UPP2: variants seen among roughly 807,000 people sequenced by gnomAD.
UPP2 encodes the protein uridine phosphorylase 2, also known as UPase 2.
UPP2 carries 23 observed loss-of-function variants against 26.7 expected under a neutral mutation model. The observed-to-expected ratio is 0.86, with a 90% CI of 0.62 to 1.22. The LOEUF (loss-of-function observed/expected upper bound fraction) is 1.22, where lower values mean the gene tolerates loss of function less well. Among genes scored for constraint, UPP2 ranks in the 50% most tolerant of loss-of-function variants. UPP2 has a pLI of 0.00. For missense variants in UPP2, 387 were observed against 396.7 expected (o/e 0.98, Z 0.21); for synonymous variants, 127 against 141.3 (o/e 0.90, Z 0.72).
At chr2:158,036,696 T>C (rs1684006524) in intron 3 of UPP2, among the ~76,000 whole-genome samples, 1 of 152,216 alleles carries the variant, frequency 6.6e-6, no homozygotes, top group South Asian at 2.1e-4. Context: ...TAAATGTTTA[T>C]GGAAAGGCAG....
At chr2:158,092,123 A>G (rs13409467) in intron 3 of UPP2, among the ~76,000 whole-genome samples, 3,334 of 152,288 alleles carry the variant, frequency 0.022, 120 homozygotes, top group African/African-American at 0.073. Context: ...TTAATACATT[A>G]GGAGGACAAA....
chr2:158,068,010 G>A (rs1360724678), intron 3 of UPP2, among the ~76,000 whole-genome samples: 7 of 151,990 alleles, frequency 4.6e-5, no homozygotes, highest in South Asian at 2.1e-4. Context: ...ATTATTATTA[G>A]CAATTCTGTA....
intron 3 of UPP2, among the ~76,000 whole-genome samples, 189 bp from the exon 4 acceptor site, chr2:158,117,635 T>A (rs1302081859): frequency 1.3e-5 from 2 of 151,954 alleles, no homozygotes; most frequent in African/African-American, 4.8e-5. Flanking sequence ...TCTTCACAGA[T>A]GGACACATCT....
At chr2:158,043,145 C>T (rs933894477) in intron 3 of UPP2, among the ~76,000 whole-genome samples, 1 of 152,200 alleles carries the variant, frequency 6.6e-6, no homozygotes, top group Non-Finnish European at 1.5e-5. Flanking sequence ...TCTGCTCTCA[C>T]TGGGGCAGCT....
At chr2:158,044,075 T>C (rs1684117807) in intron 3 of UPP2, among the ~76,000 whole-genome samples, 2 of 152,178 alleles carry the variant, frequency 1.3e-5, no homozygotes, top group South Asian at 4.1e-4. Flanking sequence ...GAGATATAAT[T>C]AAGCTCTAAA....
intron 3 of UPP2, among the ~76,000 whole-genome samples, chr2:158,095,511 A>G (rs550417748): frequency 1.3e-5 from 2 of 152,272 alleles, no homozygotes; most frequent in East Asian, 1.9e-4. Flanking sequence ...GGACTCCACC[A>G]TGTACCAGAA....
At chr2:158,098,053 G>C (rs570835373), upstream of UPP2, among the ~76,000 whole-genome samples, 1 of 152,222 alleles carries the variant, frequency 6.6e-6, no homozygotes, top group South Asian at 2.1e-4. Flanking sequence ...TGTTTATACT[G>C]TCATTAACAC....
intron 5 of UPP2, 120 bp from the exon 6 acceptor site, chr2:158,123,629 G>A (rs1190818633): frequency 1.0e-5 from 12 of 1,187,720 alleles, no homozygotes; most frequent in Middle Eastern, 2.9e-4. Context: ...TATCCTACAC[G>A]GGGAGCACGC....
chr2:158,023,639 G>T (rs1168000804), intron 3 of UPP2, among the ~76,000 whole-genome samples: 1 of 152,070 alleles, frequency 6.6e-6, no homozygotes, highest in Non-Finnish European at 1.5e-5. Flanking sequence ...TGGAGCTTTG[G>T]GGTGGGGTGG....
chr2:158,083,863 T>TA (rs1553467781), intron 3 of UPP2, among the ~76,000 whole-genome samples: 12 of 130,938 alleles, frequency 9.2e-5, no homozygotes, highest in African/African-American at 3.3e-4. Context: ...TATATATATG[T>TA]TTTTTATATA....
At chr2:158,124,835 A>T (rs1454029088) in intron 6 of UPP2, among the ~76,000 whole-genome samples, 1 of 152,070 alleles carries the variant, frequency 6.6e-6, no homozygotes, top group East Asian at 1.9e-4. Flanking sequence ...GGACAGAGGA[A>T]ATTGGGGTGA....
intron 3 of UPP2, among the ~76,000 whole-genome samples, chr2:158,115,724 C>T (rs958503263): frequency 7.2e-5 from 11 of 152,190 alleles, no homozygotes; most frequent in African/African-American, 1.9e-4. Context: ...GCATTTAGAA[C>T]ATGTGAACAG....
chr2:158,127,462 G>GAA (rs147991501), intron 6 of UPP2, among the ~76,000 whole-genome samples: 129 of 145,542 alleles, frequency 8.9e-4, no homozygotes, highest in Non-Finnish European at 1.6e-3. Flanking sequence ...GTGAGTGAAT[G>GAA]AAAAAAAAAA....
At chr2:158,006,476 CAAA>C (rs3038697) in intron 2 of UPP2, among the ~76,000 whole-genome samples, 2,022 of 77,388 alleles carry the variant, frequency 0.026, 32 homozygotes, top group African/African-American at 0.1. Flanking sequence ...GACTCCGTCT[CAAA>C]AAAAAAAAAA....
At chr2:158,080,852 T>A (rs1377402630) in intron 3 of UPP2, among the ~76,000 whole-genome samples, 2 of 152,144 alleles carry the variant, frequency 1.3e-5, no homozygotes, top group Admixed American at 1.3e-4. Context: ...TCCCCTGACC[T>A]TCTCTCACCT....
Position 158,115,096 on chromosome 2 carries a change from A to G in UPP2, c.181-5A>G, listed in dbSNP as rs772544981. The G allele has an allele frequency of 1.4e-5, 22 of 1,592,410 alleles. No individual in the cohort carries two copies. In the South Asian group the frequency reaches 2.3e-4, roughly 16 times the overall value. On this transcript the variant is annotated splice_region_variant and splice_polypyrimidine_tract_variant and intron_variant, in intron 2 of 6. Transcript: ENST00000005756. ...TGGCAGGCCCTTGTTTATTTTTATT[A>G]ACAGTTTGTCTGTGTCGGTGGGAGC...
At chr2:158,092,051 A>G (rs967934567) in intron 3 of UPP2, among the ~76,000 whole-genome samples, 1 of 152,154 alleles carries the variant, frequency 6.6e-6, no homozygotes, top group African/African-American at 2.4e-5. Flanking sequence ...TGTGAAGAAG[A>G]AAGATCTGAG....
At chr2:158,120,895 C>T (rs1683551134) in intron 4 of UPP2, among the ~76,000 whole-genome samples, 1 of 151,878 alleles carries the variant, frequency 6.6e-6, no homozygotes, top group Admixed American at 6.6e-5. Flanking sequence ...AGCCCAAGTC[C>T]CTTGAGCAAC....
chr2:158,042,119 T>C (rs962214570), intron 3 of UPP2, among the ~76,000 whole-genome samples: 1 of 152,202 alleles, frequency 6.6e-6, no homozygotes, highest in Admixed American at 6.5e-5. Context: ...CAGGACCATT[T>C]TGAAGCAGGC....
Sources: gnomAD v4.1 joint callset for allele counts (sites outside exome capture counted in the v4.1 genomes callset) on GRCh38, gnomAD v4.1.1 for gene constraint, MANE v1.5 for transcripts, NCBI Gene and HGNC (gene_info 2026-07-23, HGNC 2026-07-21) for gene names.